The following SETBP1 variants were observed in gnomAD, a reference collection of about 807,000 sequenced individuals.
The protein encoded by SETBP1 is SET-binding protein.
In SETBP1, 9 loss-of-function variants were observed where a neutral mutation model predicts 101.0. The ratio of observed to expected loss-of-function variants is 0.09; its 90% CI spans 0.05 to 0.16. The LOEUF (loss-of-function observed/expected upper bound fraction) is 0.16, where lower values mean the gene tolerates loss of function less well. Ranked by LOEUF, SETBP1 falls within the 10% of genes least tolerant of loss-of-function variation. The pLI is 1.00. For missense variants in SETBP1, 1,858 were observed against 2,033.8 expected (o/e 0.91, Z 1.66); for synonymous variants, 818 against 788.5 (o/e 1.04, Z -0.63).
intron 3 of SETBP1, among the ~76,000 whole-genome samples, chr18:44,916,622 G>A (rs911466179): frequency 1.3e-5 from 2 of 152,144 alleles, no homozygotes; most frequent in African/African-American, 4.8e-5. Context: ...CCTATTTGGT[G>A]AATACGGCAT....
At chr18:44,705,687 T>G (rs1379333714) in intron 2 of SETBP1, among the ~76,000 whole-genome samples, 1 of 152,194 alleles carries the variant, frequency 6.6e-6, no homozygotes, top group African/African-American at 2.4e-5. Context: ...TAGCATGACT[T>G]ACATATCATA....
chr18:44,992,906 T>C (rs1008189550), intron 4 of SETBP1, among the ~76,000 whole-genome samples: 1 of 151,924 alleles, frequency 6.6e-6, no homozygotes, highest in Non-Finnish European at 1.5e-5. Context: ...ATATAAAAAT[T>C]CCAGACAAAA....
At chr18:44,846,213 G>A (rs923224779) in intron 2 of SETBP1, among the ~76,000 whole-genome samples, 2 of 152,170 alleles carry the variant, frequency 1.3e-5, no homozygotes, top group African/African-American at 4.8e-5. Context: ...AAATAATCCA[G>A]ATATCTAGTT....
At chr18:44,737,620 T>C (rs767798973) in intron 2 of SETBP1, among the ~76,000 whole-genome samples, 1 of 152,188 alleles carries the variant, frequency 6.6e-6, no homozygotes, top group Non-Finnish European at 1.5e-5. Flanking sequence ...CTTAGAAGGG[T>C]CACTTCACTA....
chr18:44,821,617 C>A lies in SETBP1; in HGVS notation c.487-47613C>A, dbSNP rs183444563. On this transcript the variant is annotated intron_variant, in intron 2 of 5. Coordinates refer to ENST00000649279, the MANE Select transcript of SETBP1 (RefSeq NM_015559.3). ...TACCTTTCTTCTCCCCCTGGTTTCTCAAAGACTTTATATACCCCTGCCTAT... is the reference window on the plus strand; with the variant it reads ...TACCTTTCTTCTCCCCCTGGTTTCTAAAAGACTTTATATACCCCTGCCTAT... 9.2e-5 allele frequency among the ~76,000 whole-genome samples: 14 copies of A among 152,270 alleles called. No homozygotes were observed. In the East Asian group the frequency reaches 2.7e-3, roughly 29 times the overall value.
At chr18:44,788,872 A>C (rs1197177275) in intron 2 of SETBP1, among the ~76,000 whole-genome samples, 1 of 128,018 alleles carries the variant, frequency 7.8e-6, no homozygotes, top group African/African-American at 3.1e-5. Flanking sequence ...ATCATTGCTT[A>C]CTGCAGCCTC....
Position 45,028,308 on chromosome 18 carries a change from A to G in SETBP1, c.4001-10177A>G, listed in dbSNP as rs1405509166. On this transcript the variant is annotated intron_variant, in intron 4 of 5. Transcript: ENST00000649279. ...AGTTTACTGAGAATGATGATTTCCA[A>G]TTTCATCCATGGCCCTACAAAGGAC... Among the ~76,000 whole-genome samples, 7 of 151,722 alleles carry G rather than the reference A, an allele frequency of 4.6e-5. No individual in the cohort carries two copies. In the South Asian group the frequency reaches 1.3e-3, roughly 27 times the overall value.
At chr18:44,716,735 G>A (rs961111206) in intron 2 of SETBP1, among the ~76,000 whole-genome samples, 1 of 152,020 alleles carries the variant, frequency 6.6e-6, no homozygotes, top group Non-Finnish European at 1.5e-5. Context: ...GCTCATTTTT[G>A]TATTTTTAGT....
At chr18:44,958,599 TTTAA>T (rs2071543850) in intron 4 of SETBP1, among the ~76,000 whole-genome samples, 1 of 152,052 alleles carries the variant, frequency 6.6e-6, no homozygotes, top group African/African-American at 2.4e-5. Context: ...ATGATACATA[TTTAA>T]TTGGGTGAAG....
At chr18:44,839,871 G>A (rs985660154) in intron 2 of SETBP1, among the ~76,000 whole-genome samples, 2 of 152,196 alleles carry the variant, frequency 1.3e-5, no homozygotes, top group African/African-American at 4.8e-5. Flanking sequence ...ATAGTACAGA[G>A]GGATGTGATT....
chr18:44,742,144 T>G (rs2070113002), intron 2 of SETBP1, among the ~76,000 whole-genome samples: 1 of 152,226 alleles, frequency 6.6e-6, no homozygotes, highest in Non-Finnish European at 1.5e-5. Flanking sequence ...TACATTTTAA[T>G]TTTTGAAGAC....
intron 2 of SETBP1, among the ~76,000 whole-genome samples, chr18:44,711,901 C>T (rs2069356538): frequency 6.6e-6 from 1 of 152,082 alleles, no homozygotes; most frequent in African/African-American, 2.4e-5. Flanking sequence ...CCTATGAAGG[C>T]AAGGGCCTCC....
At chr18:44,698,676 C>T (rs780312514) in intron 1 of SETBP1, among the ~76,000 whole-genome samples, 5 of 152,204 alleles carry the variant, frequency 3.3e-5, no homozygotes, top group African/African-American at 1.2e-4. Flanking sequence ...ACACCTTGCT[C>T]AAGTGGAGAA....
intron 2 of SETBP1, among the ~76,000 whole-genome samples, chr18:44,821,108 T>C (rs141134500): frequency 2.0e-3 from 300 of 152,254 alleles, no homozygotes; most frequent in African/African-American, 6.8e-3. Context: ...AGGTTGGGGG[T>C]AGGAAGACCT....
chr18:44,805,743 G>A (rs554002801), intron 2 of SETBP1, among the ~76,000 whole-genome samples: 131 of 152,178 alleles, frequency 8.6e-4, no homozygotes, highest in African/African-American at 3.0e-3. Context: ...CCTGACCATG[G>A]CCTTGAGCTC....
intron 2 of SETBP1, among the ~76,000 whole-genome samples, chr18:44,854,586 C>G (rs527926707): frequency 6.6e-6 from 1 of 152,320 alleles, no homozygotes; most frequent in South Asian, 2.1e-4. Flanking sequence ...CACCTACCCA[C>G]TCCAATCTTC....
chr18:44,949,716 A>G (rs1199002271), intron 3 of SETBP1, among the ~76,000 whole-genome samples, 165 bp from the exon 4 acceptor site: 1 of 151,970 alleles, frequency 6.6e-6, no homozygotes, highest in Non-Finnish European at 1.5e-5. Flanking sequence ...AATTGAGAAA[A>G]CCTCTGTAAG....
chr18:44,877,863 T>C (rs144480442), intron 3 of SETBP1, among the ~76,000 whole-genome samples: 91 of 152,300 alleles, frequency 6.0e-4, no homozygotes, highest in African/African-American at 2.2e-3. Context: ...TATTCTGAAG[T>C]CTTAATAAGT....
chr18:45,029,894 C>T (rs1440257135), intron 4 of SETBP1, among the ~76,000 whole-genome samples: 2 of 151,762 alleles, frequency 1.3e-5, no homozygotes, highest in Non-Finnish European at 2.9e-5. Flanking sequence ...TGCTTATCAG[C>T]TTAAGGAGAT....
Sources: allele counts gnomAD v4.1 joint callset (sites outside exome capture counted in the v4.1 genomes callset), GRCh38; gene constraint gnomAD v4.1.1; transcripts MANE v1.5; gene names NCBI Gene and HGNC (gene_info 2026-07-23, HGNC 2026-07-21).